Variants in FOXJ3 observed in about 807,000 individuals in gnomAD.
FOXJ3 encodes forkhead box J3.
A neutral mutation model predicts 76.1 loss-of-function variants in FOXJ3; 22 were observed. The observed-to-expected ratio is 0.29, with a 90% CI of 0.21 to 0.41. FOXJ3 has a LOEUF of 0.41. FOXJ3 is among the 10% of genes least tolerant of loss of function. The pLI, the probability that FOXJ3 is intolerant of heterozygous loss-of-function variation, is 1.00. For missense variants in FOXJ3, 613 were observed against 762.1 expected (o/e 0.80, Z 2.30); for synonymous variants, 269 against 261.2 (o/e 1.03, Z -0.29).
intron 5 of FOXJ3, among the ~76,000 whole-genome samples, chr1:42,216,619 TA>T (rs1353591976): frequency 6.6e-6 from 1 of 152,114 alleles, no homozygotes; most frequent in Non-Finnish European, 1.5e-5. Flanking sequence ...TCTACAGATG[TA>T]ACACATATTA....
At chr1:42,248,435 G>A (rs1649718103) in intron 4 of FOXJ3, among the ~76,000 whole-genome samples, 1 of 151,906 alleles carries the variant, frequency 6.6e-6, no homozygotes, top group Non-Finnish European at 1.5e-5. Context: ...TCGGGAGGCT[G>A]AGGCAGGAGA....
intron 7 of FOXJ3, among the ~76,000 whole-genome samples, chr1:42,198,556 T>C (rs1192597125): frequency 3.3e-5 from 5 of 152,186 alleles, no homozygotes; most frequent in Non-Finnish European, 7.3e-5. Context: ...CTAAGACTCA[T>C]GTTCTTGTAA....
chr1:42,235,914 T>C (rs939957607), intron 4 of FOXJ3, among the ~76,000 whole-genome samples: 2 of 152,080 alleles, frequency 1.3e-5, no homozygotes, highest in African/African-American at 4.8e-5. Context: ...TCTCAAACTC[T>C]TGGGCTCAAA....
At chr1:42,232,172 C>A (rs1409120602) in intron 4 of FOXJ3, among the ~76,000 whole-genome samples, 1 of 151,774 alleles carries the variant, frequency 6.6e-6, no homozygotes, top group Non-Finnish European at 1.5e-5. Context: ...GTATATGTGC[C>A]ACATTTTCTT....
intron 1 of FOXJ3, among the ~76,000 whole-genome samples, chr1:42,317,780 G>A (rs953894403): frequency 6.6e-6 from 1 of 152,046 alleles, no homozygotes; most frequent in Admixed American, 6.6e-5. Flanking sequence ...ATAAAATTAA[G>A]TAGAAAATGT....
Position 42,191,617 on chromosome 1 carries a change from T to C in FOXJ3, c.1037A>G (p.Gln346Arg), listed in dbSNP as rs548855534. The C allele has an allele frequency of 6.2e-7, 1 of 1,614,154 alleles. No homozygotes were observed. The highest frequency in any genetic ancestry group is 1.1e-5 in the South Asian group (1 of 91,078). The change falls in exon 9 of 13, where the codon CAA becomes CGA. Residue 346 changes from glutamine (Q) to arginine (R), a missense_variant. By Grantham distance (43) the Gln-to-Arg change is conservative (BLOSUM62 1). Transcript: ENST00000361346. ...GCCATGACTGTTGGACAGGCTGCTT[T>C]GGTTGCTGTGTGGGTGAGTGCTCAC... is the stretch of plus-strand genomic sequence containing the variant. ...STVSTHPHSN[Q>R]SSLSNSHGSG... is the part of the protein sequence containing the mutation.
chr1:42,327,991 AGACT>A (rs1655938947), intron 1 of FOXJ3, among the ~76,000 whole-genome samples: 1 of 152,146 alleles, frequency 6.6e-6, no homozygotes, highest in Admixed American at 6.5e-5. Context: ...GTTTCTGGAG[AGACT>A]CTCTAAAAAT....
chr1:42,291,023 C>T (rs1467183008), intron 2 of FOXJ3, among the ~76,000 whole-genome samples: 1 of 128,854 alleles, frequency 7.8e-6, no homozygotes, highest in African/African-American at 2.8e-5. Flanking sequence ...AGAAAAGACC[C>T]ATATAGATAG....
intron 3 of FOXJ3, among the ~76,000 whole-genome samples, chr1:42,269,121 A>T (rs1651686065): frequency 6.6e-6 from 1 of 152,186 alleles, no homozygotes; most frequent in South Asian, 2.1e-4. Context: ...ATGAACTAAG[A>T]TGTATATAGT....
chr1:42,275,300 G>C (rs1368276437), intron 3 of FOXJ3, among the ~76,000 whole-genome samples: 2 of 152,146 alleles, frequency 1.3e-5, no homozygotes, highest in Non-Finnish European at 2.9e-5. Flanking sequence ...ACTACCATCT[G>C]ATGATAGACC....
chr1:42,212,939 C>A (rs1569885777), intron 5 of FOXJ3, among the ~76,000 whole-genome samples: 2 of 74,768 alleles, frequency 2.7e-5, no homozygotes, highest in Non-Finnish European at 5.3e-5. Flanking sequence ...AACTGTCAGC[C>A]AAGAATTTTG....
Position 42,188,932 on chromosome 1 carries a change from T to C in FOXJ3, c.1454-4A>G. The C allele has an allele frequency of 1.3e-6, 2 of 1,566,868 alleles. No homozygotes were observed. Among genetic ancestry groups the C allele is most frequent in the Non-Finnish European group, 1.7e-6 (2 of 1,151,356 alleles). ...TGTCTCATACTCTCCATCAGACCTA[T>C]GAGGAAAGCATTAAAAATATGTTAG... On this transcript the variant is annotated splice_polypyrimidine_tract_variant and splice_region_variant and intron_variant, in intron 10 of 12. Transcript: ENST00000361346.
At chr1:42,294,685 C>T (rs1653665560) in intron 2 of FOXJ3, among the ~76,000 whole-genome samples, 1 of 147,544 alleles carries the variant, frequency 6.8e-6, no homozygotes, top group Admixed American at 7.0e-5. Flanking sequence ...CTGCTTGAAC[C>T]CGGGAGGCGG....
At chr1:42,299,647 C>T (rs192019117) in intron 2 of FOXJ3, among the ~76,000 whole-genome samples, 179 of 151,954 alleles carry the variant, frequency 1.2e-3, no homozygotes, top group African/African-American at 4.0e-3. Context: ...GTGGCTAATG[C>T]CCGTAATCCT....
intron 8 of FOXJ3, 144 bp downstream of exon 8, chr1:42,194,746 G>T: frequency 1.7e-6 from 1 of 586,306 alleles, no homozygotes; most frequent in Non-Finnish European, 2.9e-6. Context: ...CACAGTAAAG[G>T]CACAAAGGGC....
chr1:42,191,931 G>T (rs978445292), intron 8 of FOXJ3, among the ~76,000 whole-genome samples: 2 of 152,178 alleles, frequency 1.3e-5, no homozygotes, highest in African/African-American at 4.8e-5. Context: ...AGAAAGACAA[G>T]ATTATGACCA....
At chr1:42,256,009 G>C (rs185260399) in intron 4 of FOXJ3, among the ~76,000 whole-genome samples, 7 of 152,186 alleles carry the variant, frequency 4.6e-5, no homozygotes, top group Non-Finnish European at 7.3e-5. Flanking sequence ...GCAACAGAGC[G>C]AGACTTCGTC....
At chr1:42,308,610 A>G (rs1654610797) in intron 2 of FOXJ3, among the ~76,000 whole-genome samples, 2 of 152,338 alleles carry the variant, frequency 1.3e-5, no homozygotes, top group South Asian at 2.1e-4. Context: ...CGGTTTATAA[A>G]TTAAATGCTA....
At chr1:42,307,262 C>T (rs1056068288) in intron 2 of FOXJ3, among the ~76,000 whole-genome samples, 3 of 152,180 alleles carry the variant, frequency 2.0e-5, no homozygotes, top group Admixed American at 2.0e-4. Context: ...ACAGCAGCAT[C>T]AGCCAGCAAG....
Sources: gnomAD v4.1 joint callset for allele counts (sites outside exome capture counted in the v4.1 genomes callset) on GRCh38, gnomAD v4.1.1 for gene constraint, MANE v1.5 for transcripts, NCBI Gene and HGNC (gene_info 2026-07-23, HGNC 2026-07-21) for gene names.